The following FBXL17 variants were observed in gnomAD, a reference collection of about 807,000 sequenced individuals.
The protein encoded by FBXL17 is F-box/LRR-repeat protein 17.
FBXL17 carries 22 observed loss-of-function variants against 66.2 expected under a neutral mutation model. That is an observed-to-expected ratio of 0.33 (90% confidence interval 0.24 to 0.47). The LOEUF (loss-of-function observed/expected upper bound fraction) is 0.47. Among genes scored for constraint, FBXL17 ranks in the 20% least tolerant of loss-of-function variants. The probability of loss-of-function intolerance (pLI) is 1.00; values close to 1 mark genes in which losing one functional copy is unlikely to be tolerated. For missense variants in FBXL17, 878 were observed against 948.2 expected (o/e 0.93, Z 0.97); for synonymous variants, 474 against 400.5 (o/e 1.18, Z -2.19).
At chr5:108,248,655 T>C (rs1756215810) in intron 4 of FBXL17, among the ~76,000 whole-genome samples, 1 of 152,066 alleles carries the variant, frequency 6.6e-6, no homozygotes, top group African/African-American at 2.4e-5. Context: ...GGAAATAACA[T>C]AACCAAATTC....
At chr5:108,061,935 G>C (rs1188464363) in intron 6 of FBXL17, among the ~76,000 whole-genome samples, 1 of 151,342 alleles carries the variant, frequency 6.6e-6, no homozygotes, top group Non-Finnish European at 1.5e-5. Flanking sequence ...GAGCTCCCCA[G>C]ATGAAAGCCC....
chr5:108,079,001 C>A (rs555899969), intron 6 of FBXL17, among the ~76,000 whole-genome samples: 1 of 152,212 alleles, frequency 6.6e-6, no homozygotes, highest in South Asian at 2.1e-4. Flanking sequence ...ATCTTCCAGC[C>A]TTGAACGATC....
rs374507762 is a variant in FBXL17, at chr5:107,876,867, C to T, written c.1965+4170G>A. 5.3e-5 allele frequency among the ~76,000 whole-genome samples: 8 copies of T among 152,224 alleles called. No homozygotes were observed. In the South Asian group the frequency reaches 1.7e-3, roughly 32 times the overall value. ...CGACCAAAGCCGCTGTTTATAATTG[C>T]GGAAAACAGAGGGAACATACTGCTC... On this transcript the variant is annotated intron_variant, in intron 8 of 8. Transcript: ENST00000542267.
chr5:108,009,306 T>TATATACAC (rs1561365393), intron 7 of FBXL17, among the ~76,000 whole-genome samples: 1 of 17,446 alleles, frequency 5.7e-5, no homozygotes, highest in African/African-American at 2.5e-4. Flanking sequence ...TATATACATA[T>TATATACAC]ATACATACAC....
chr5:107,887,388 AT>A (rs1749009525), intron 7 of FBXL17, among the ~76,000 whole-genome samples: 1 of 152,184 alleles, frequency 6.6e-6, no homozygotes, highest in South Asian at 2.1e-4. Context: ...ATACAAGCGC[AT>A]TAACAAGCGA....
Position 108,020,917 on chromosome 5 carries a change from T to C in FBXL17, c.1822+8A>G, listed in dbSNP as rs534913819. On this transcript the variant is annotated splice_region_variant and intron_variant, in intron 7 of 8. Coordinates refer to ENST00000542267, the MANE Select transcript of FBXL17 (RefSeq NM_001163315.3). ...TAGAAAGGATTAGGAAAATGGTTCA[T>C]TACCTACCATAATCTGTGATTTTAC... 21 of 1,592,244 alleles carry C rather than the reference T, an allele frequency of 1.3e-5. 1 individual carries two copies. In the South Asian group the frequency reaches 2.0e-4, roughly 15 times the overall value.
intron 2 of FBXL17, among the ~76,000 whole-genome samples, chr5:108,366,661 T>C (rs17161284): frequency 0.043 from 6,497 of 152,072 alleles, 758 homozygotes; most frequent in East Asian, 0.39. Flanking sequence ...AACAAGCTGA[T>C]AGATTGCTTT....
chr5:108,079,202 T>C (rs986901514), intron 6 of FBXL17, among the ~76,000 whole-genome samples: 11 of 152,020 alleles, frequency 7.2e-5, no homozygotes, highest in Admixed American at 3.3e-4. Context: ...TTGATTTTTT[T>C]AGCCAACCTT....
chr5:108,203,800 T>C (rs927082282), intron 5 of FBXL17, among the ~76,000 whole-genome samples: 4 of 152,196 alleles, frequency 2.6e-5, no homozygotes, highest in Non-Finnish European at 4.4e-5. Flanking sequence ...TTTTCATTTC[T>C]AGTCTCTGAA....
At position 107,861,746 on chromosome 5, in the gene FBXL17, G is replaced by C. The variant is rs1748128995; in HGVS notation, c.2080C>G (p.Pro694Ala). ...TAGGAGGAGGCGGCAGACATGTTGG[G>C]GGTCCAGCCCATCTGATAGGCTCTC... ...LERAYQMGWT[P>A]NMSAASS Residue 694 changes from proline to alanine, a missense_variant, in exon 9 of 9, where the codon CCC becomes GCC. Transcript: ENST00000542267. The C allele has an allele frequency of 1.9e-6, 3 of 1,582,856 alleles. No homozygotes were observed. In the Middle Eastern group the frequency reaches 5.0e-4, roughly 265 times the overall value.
At chr5:108,348,601 T>A in intron 3 of FBXL17, 71 bp from the exon 4 acceptor site, 7 of 1,507,256 alleles carry the variant, frequency 4.6e-6, no homozygotes, top group Non-Finnish European at 6.3e-6. Context: ...GAGATTTTCA[T>A]ATAATTTTTT....
At chr5:108,142,056 A>G (rs974766334) in intron 6 of FBXL17, among the ~76,000 whole-genome samples, 3 of 152,226 alleles carry the variant, frequency 2.0e-5, no homozygotes, top group African/African-American at 7.2e-5. Flanking sequence ...TGTTACATTT[A>G]TCTTTAAATC....
At chr5:107,980,749 C>T (rs918660546) in intron 7 of FBXL17, among the ~76,000 whole-genome samples, 37 of 143,128 alleles carry the variant, frequency 2.6e-4, no homozygotes, top group African/African-American at 9.1e-4. Context: ...CTCCGCCTCC[C>T]GGGTTCATGC....
chr5:107,920,182 T>G (rs1750264799), intron 7 of FBXL17, among the ~76,000 whole-genome samples: 1 of 152,190 alleles, frequency 6.6e-6, no homozygotes, highest in Non-Finnish European at 1.5e-5. Flanking sequence ...CCAATCACAT[T>G]CATATTGAAA....
intron 6 of FBXL17, among the ~76,000 whole-genome samples, chr5:108,182,520 AC>A (rs906510546): frequency 6.6e-6 from 1 of 152,166 alleles, no homozygotes; most frequent in Non-Finnish European, 1.5e-5. Context: ...TGTAATTAAA[AC>A]CTAAAAGAGC....
intron 6 of FBXL17, among the ~76,000 whole-genome samples, chr5:108,112,089 G>C (rs1750057782): frequency 6.6e-6 from 1 of 152,178 alleles, no homozygotes; most frequent in African/African-American, 2.4e-5. Flanking sequence ...ACAGAGTTTA[G>C]GGCTCTAGGA....
chr5:107,910,300 G>C (rs927528146), intron 7 of FBXL17, among the ~76,000 whole-genome samples: 5 of 152,094 alleles, frequency 3.3e-5, no homozygotes, highest in Non-Finnish European at 7.4e-5. Flanking sequence ...AAAACTTAAT[G>C]AGTGATAAAT....
At chr5:108,183,448 T>C (rs1580571680) in intron 6 of FBXL17, among the ~76,000 whole-genome samples, 1 of 152,362 alleles carries the variant, frequency 6.6e-6, no homozygotes, top group South Asian at 2.1e-4. Context: ...TCATTATTTG[T>C]TATGAATAGC....
intron 7 of FBXL17, among the ~76,000 whole-genome samples, chr5:107,973,354 ATTT>A (rs200079422): frequency 5.0e-5 from 6 of 120,432 alleles, no homozygotes; most frequent in South Asian, 2.6e-4. Flanking sequence ...TTTTTTTGTA[ATTT>A]TTTTTTTTTT....
Sources: gnomAD v4.1 joint callset for allele counts (sites outside exome capture counted in the v4.1 genomes callset) on GRCh38, gnomAD v4.1.1 for gene constraint, MANE v1.5 for transcripts, NCBI Gene and HGNC (gene_info 2026-07-23, HGNC 2026-07-21) for gene names.